Variants in ERBB4 observed in about 807,000 individuals in gnomAD.
ERBB4 encodes the protein erb-b2 receptor tyrosine kinase 4.
ERBB4 carries 42 observed loss-of-function variants against 158.0 expected under a neutral mutation model. That is an observed-to-expected ratio of 0.27 (90% CI 0.21 to 0.34). The LOEUF (loss-of-function observed/expected upper bound fraction) is 0.34. Among genes scored for constraint, ERBB4 ranks in the 10% least tolerant of loss-of-function variants. The pLI is 1.00. For synonymous variants in ERBB4, 583 were observed against 558.7 expected (o/e 1.04, Z -0.61); for missense variants, 1,333 against 1,624.1 (o/e 0.82, Z 3.08).
chr2:211,796,642 G>C (rs1014354532), intron 3 of ERBB4, among the ~76,000 whole-genome samples: 3 of 151,708 alleles, frequency 2.0e-5, no homozygotes, highest in Non-Finnish European at 2.9e-5. Context: ...CACTCTTATT[G>C]GTGTATAGTG....
At chr2:211,548,115 G>A (rs1255557814) in intron 20 of ERBB4, among the ~76,000 whole-genome samples, 2 of 151,932 alleles carry the variant, frequency 1.3e-5, no homozygotes, top group Admixed American at 6.6e-5. Flanking sequence ...TTTTCATCTG[G>A]TAGTATAGAG....
intron 20 of ERBB4, among the ~76,000 whole-genome samples, chr2:211,552,732 A>C (rs910071456): frequency 6.6e-6 from 1 of 152,214 alleles, no homozygotes; most frequent in African/African-American, 2.4e-5. Flanking sequence ...ATACAGCACC[A>C]GTGATATATG....
chr2:211,524,332 G>A (rs1007403586), intron 20 of ERBB4, among the ~76,000 whole-genome samples: 2 of 152,072 alleles, frequency 1.3e-5, no homozygotes, highest in African/African-American at 2.4e-5. Context: ...GATCCCTCAC[G>A]GGGGCTGCAG....
chr2:211,483,590 C>T (rs1356568035), intron 20 of ERBB4, among the ~76,000 whole-genome samples: 2 of 151,850 alleles, frequency 1.3e-5, no homozygotes, highest in South Asian at 2.1e-4. Flanking sequence ...CTCACTCTGT[C>T]GCCCAAGCTG....
intron 19 of ERBB4, among the ~76,000 whole-genome samples, chr2:211,587,742 C>T: frequency 6.6e-6 from 1 of 151,714 alleles, no homozygotes; most frequent in Middle Eastern, 3.2e-3. Context: ...CACGAGGAAA[C>T]AAATGCTGGC....
At position 211,944,164 on chromosome 2, in the gene ERBB4, C is replaced by A. The variant is rs865774884; in HGVS notation, c.421+3266G>T. The stretch of plus-strand genomic sequence containing the variant: ...TATACATATACACTATATATATACA[C>A]TATATATATATACTATATATATATA... On this transcript the variant is annotated intron_variant, in intron 3 of 27. Transcript: ENST00000342788. Among the ~76,000 whole-genome samples, 466 of 100,728 alleles carry A rather than the reference C, an allele frequency of 4.6e-3. 8 individuals carry two copies. Among genetic ancestry groups the A allele is most frequent in the African/African-American group, 0.015 (358 of 23,524 alleles). The allele number at this position is 100,728 out of a possible 152,430, so 66.1% of individuals were successfully genotyped here.
At chr2:212,385,292 T>A (rs2090638423) in intron 1 of ERBB4, among the ~76,000 whole-genome samples, 1 of 151,814 alleles carries the variant, frequency 6.6e-6, no homozygotes, top group South Asian at 2.1e-4. Flanking sequence ...GTGTGGGGTT[T>A]TGATAAAGGT....
At chr2:212,026,624 A>G (rs780186033) in intron 2 of ERBB4, among the ~76,000 whole-genome samples, 1 of 151,962 alleles carries the variant, frequency 6.6e-6, no homozygotes, top group South Asian at 2.1e-4. Flanking sequence ...ATGATGCTAA[A>G]TGGTGGGCAC....
At chr2:212,223,349 T>A (rs1553601046) in intron 1 of ERBB4, among the ~76,000 whole-genome samples, 8 of 139,216 alleles carry the variant, frequency 5.7e-5, no homozygotes, top group East Asian at 4.3e-4. Context: ...TATATATATA[T>A]AAAATTGTCT....
intron 1 of ERBB4, among the ~76,000 whole-genome samples, chr2:212,513,130 T>C (rs1263165583): frequency 6.6e-6 from 1 of 152,212 alleles, no homozygotes; most frequent in Non-Finnish European, 1.5e-5. Context: ...GCTTACCATT[T>C]ACCATAAAAT....
In ERBB4 at chr2:211,555,063, T is replaced by C. The variant is rs143446657; in HGVS notation, c.2487+6840A>G. 8.5e-5 allele frequency among the ~76,000 whole-genome samples: 13 copies of C among 152,360 alleles called. No homozygotes were observed. In the East Asian group the frequency reaches 2.5e-3, roughly 29 times the overall value. ...AGCATCAAGAAGGCATATGGTATTA[T>C]ATGAGCATGAAATAATAACATGGAC... On this transcript the variant is annotated intron_variant, in intron 20 of 27. Coordinates refer to ENST00000342788, the MANE Select transcript of ERBB4 (RefSeq NM_005235.3).
chr2:211,523,088 G>T (rs1222235209), intron 20 of ERBB4, among the ~76,000 whole-genome samples: 19 of 148,976 alleles, frequency 1.3e-4, no homozygotes, highest in Non-Finnish European at 4.4e-5. Flanking sequence ...GAATGAAAGG[G>T]GTAGAGCAAG....
intron 2 of ERBB4, among the ~76,000 whole-genome samples, chr2:212,030,740 A>T (rs2076883823): frequency 6.6e-6 from 1 of 152,116 alleles, no homozygotes; most frequent in Non-Finnish European, 1.5e-5. Flanking sequence ...CACCAAGTTC[A>T]ATAATTGGTT....
At chr2:212,307,136 AT>A in intron 1 of ERBB4, among the ~76,000 whole-genome samples, 1 of 151,400 alleles carries the variant, frequency 6.6e-6, no homozygotes. Context: ...TTATCTGTGT[AT>A]CCTGGGCTCA....
intron 1 of ERBB4, among the ~76,000 whole-genome samples, chr2:212,200,026 T>G (rs1035406690): frequency 6.6e-6 from 1 of 152,212 alleles, no homozygotes; most frequent in Non-Finnish European, 1.5e-5. Context: ...AAAAGTTTAC[T>G]GAAAATCCTC....
At chr2:211,987,116 T>C (rs1039058654) in intron 2 of ERBB4, among the ~76,000 whole-genome samples, 3 of 151,904 alleles carry the variant, frequency 2.0e-5, no homozygotes, top group Non-Finnish European at 4.4e-5. Flanking sequence ...AGGTCAGAAG[T>C]TGAAGGCTGA....
intron 1 of ERBB4, among the ~76,000 whole-genome samples, chr2:212,354,948 T>C (rs1042397591): frequency 1.3e-5 from 2 of 151,984 alleles, no homozygotes; most frequent in African/African-American, 4.8e-5. Flanking sequence ...AGTGCTACAA[T>C]GTTAAATAAG....
At chr2:211,878,513 A>T (rs915299229) in intron 3 of ERBB4, among the ~76,000 whole-genome samples, 1 of 152,230 alleles carries the variant, frequency 6.6e-6, no homozygotes, top group Non-Finnish European at 1.5e-5. Flanking sequence ...TCTAATTGTT[A>T]AAATTCCATT....
At chr2:211,938,319 A>G (rs1041237276) in intron 3 of ERBB4, among the ~76,000 whole-genome samples, 3 of 152,158 alleles carry the variant, frequency 2.0e-5, no homozygotes, top group Non-Finnish European at 2.9e-5. Flanking sequence ...CATTTGCCTC[A>G]GAATAGAATT....
Sources: gnomAD v4.1 joint callset for allele counts (sites outside exome capture counted in the v4.1 genomes callset) on GRCh38, gnomAD v4.1.1 for gene constraint, MANE v1.5 for transcripts, NCBI Gene and HGNC (gene_info 2026-07-23, HGNC 2026-07-21) for gene names.